Variants in DOCK4 observed in about 807,000 individuals in gnomAD.
DOCK4 encodes the protein dedicator of cytokinesis protein 4.
Under a neutral mutation model 268.1 loss-of-function variants are expected in DOCK4, and 97 were observed. The observed-to-expected ratio is 0.36, with a 90% confidence interval of 0.31 to 0.43. The LOEUF is 0.43. Among genes scored for constraint, DOCK4 ranks in the 20% least tolerant of loss-of-function variants. DOCK4 has a pLI of 1.00. For synonymous variants in DOCK4, 954 were observed against 887.2 expected (o/e 1.08, Z -1.34); for missense variants, 2,145 against 2,455.7 (o/e 0.87, Z 2.67).
intron 1 of DOCK4, among the ~76,000 whole-genome samples, chr7:112,121,465 G>A (rs1183267637): frequency 6.6e-6 from 1 of 152,092 alleles, no homozygotes; most frequent in African/African-American, 2.4e-5. Flanking sequence ...ACAGGGGCAA[G>A]GTTCCTTCTC....
intron 27 of DOCK4, among the ~76,000 whole-genome samples, chr7:111,815,133 T>G (rs1453522283): frequency 6.6e-6 from 1 of 152,224 alleles, no homozygotes; most frequent in African/African-American, 2.4e-5. Context: ...ATTTTTTTCT[T>G]TAGCAAAATT....
chr7:111,935,581 T>C lies in DOCK4; in HGVS notation c.1025A>G (p.Lys342Arg), dbSNP rs1562909537. The change falls in exon 12 of 53, where the codon AAA becomes AGA. Residue 342 changes from lysine to arginine, a missense_variant. Coordinates refer to ENST00000428084, the MANE Select transcript of DOCK4 (RefSeq NM_001363540.2). ...CAAGTTATAACGTGCATTCAGCTTT[T>C]TGATGATGTTCTCATGGATTTGGTA... ...EWYQIHENII[K>R]KLNARYNLTG... 1.2e-6 allele frequency: 2 copies of C among 1,613,950 alleles called. No individual in the cohort carries two copies. Among genetic ancestry groups the C allele is most frequent in the Non-Finnish European group, 8.5e-7 (1 of 1,179,860 alleles).
chr7:111,833,268 A>G (rs1341568750), intron 26 of DOCK4, among the ~76,000 whole-genome samples: 1 of 152,126 alleles, frequency 6.6e-6, no homozygotes, highest in Admixed American at 6.5e-5. Context: ...AAGGCCAGGC[A>G]TGGTGGCTCA....
At chr7:111,863,959 A>G (rs545742180) in intron 22 of DOCK4, among the ~76,000 whole-genome samples, 1 of 152,328 alleles carries the variant, frequency 6.6e-6, no homozygotes, top group African/African-American at 2.4e-5. Context: ...TCTCATTCAC[A>G]TTTAAGAAAC....
intron 1 of DOCK4, among the ~76,000 whole-genome samples, chr7:112,011,255 C>T (rs1349764801): frequency 3.9e-5 from 6 of 152,212 alleles, no homozygotes; most frequent in Admixed American, 3.3e-4. Flanking sequence ...TTCCTCGTCA[C>T]TGCACTGGGG....
chr7:112,132,255 G>C (rs956598040), intron 1 of DOCK4, among the ~76,000 whole-genome samples: 1 of 152,068 alleles, frequency 6.6e-6, no homozygotes, highest in Non-Finnish European at 1.5e-5. Context: ...TGCTGAAGAG[G>C]TTTAAGTCAC....
chr7:111,815,667 C>G (rs1586071095), intron 27 of DOCK4, among the ~76,000 whole-genome samples: 2 of 118,486 alleles, frequency 1.7e-5, no homozygotes, highest in East Asian at 6.0e-4. Flanking sequence ...TCCTTTTTCT[C>G]TCTCTCTGTT....
chr7:111,811,699 A>G (rs574761080), intron 28 of DOCK4, among the ~76,000 whole-genome samples, 175 bp downstream of exon 28: 1 of 152,160 alleles, frequency 6.6e-6, no homozygotes, highest in Admixed American at 6.6e-5. Flanking sequence ...AAGCGCTATG[A>G]TCTCCTTTTA....
chr7:112,079,470 T>C (rs999239822), intron 1 of DOCK4, among the ~76,000 whole-genome samples: 2 of 152,214 alleles, frequency 1.3e-5, no homozygotes, highest in Non-Finnish European at 2.9e-5. Context: ...CCTGCTGTAC[T>C]CTACTTGTAA....
chr7:111,783,005 A>T, intron 34 of DOCK4, 81 bp from the exon 35 acceptor site: 1 of 1,149,410 alleles, frequency 8.7e-7, no homozygotes, highest in Non-Finnish European at 1.2e-6. Flanking sequence ...GGGGAAAAAA[A>T]GAAAGAAAGA....
chr7:112,142,530 C>T (rs932839999), intron 1 of DOCK4, among the ~76,000 whole-genome samples: 1 of 152,126 alleles, frequency 6.6e-6, no homozygotes, highest in Admixed American at 6.6e-5. Flanking sequence ...TAATGAATGG[C>T]CTTGCTGGGC....
intron 1 of DOCK4, among the ~76,000 whole-genome samples, chr7:112,070,983 A>C (rs1194483543): frequency 6.6e-6 from 1 of 152,216 alleles, no homozygotes; most frequent in Non-Finnish European, 1.5e-5. Flanking sequence ...CTACCTAAAA[A>C]GCAAAAAACA....
chr7:112,000,603 A>T, intron 2 of DOCK4, 69 bp from the exon 3 acceptor site: 1 of 1,189,454 alleles, frequency 8.4e-7, no homozygotes, highest in Non-Finnish European at 1.2e-6. Flanking sequence ...TAACAAATCA[A>T]TCTGTTCTTT....
Position 111,740,235 on chromosome 7 carries a change from G to A in DOCK4, c.5041-758C>T, listed in dbSNP as rs1795811825. On this transcript the variant is annotated intron_variant, in intron 47 of 52. Coordinates refer to ENST00000428084, the MANE Select transcript of DOCK4 (RefSeq NM_001363540.2). ...CTGCCTCAGCCTCCCGAGTAGCTGG[G>A]ATTACAGGCATGCGCCACCATGCCC... 1.0e-5 allele frequency: 3 copies of A among 296,220 alleles called. 1 individual carries two copies. Among genetic ancestry groups the A allele is most frequent in the South Asian group, 5.1e-5 (2 of 39,382 alleles). 18.3% of individuals were successfully genotyped at this position (296,220 alleles called of 1,614,324 possible). A position where few individuals can be genotyped will look rare whatever the true frequency, so the allele number is the denominator to read the frequency against.
chr7:111,913,644 C>T (rs1174954048), intron 13 of DOCK4, among the ~76,000 whole-genome samples: 10 of 151,646 alleles, frequency 6.6e-5, no homozygotes, highest in East Asian at 1.9e-4. Context: ...CTTCTGACCT[C>T]GTGATCCGCC....
In DOCK4 at chr7:111,788,628, A is replaced by C. The variant is rs757399202; in HGVS notation, c.3401+34T>G. The C allele has an allele frequency of 1.1e-5, 17 of 1,536,008 alleles. No homozygotes were observed. The South Asian group carries it at 2.0e-4, about 18-fold the overall frequency. ...TCAGTACTGACACCAAATCCCCCAG[A>C]ATGGAATCAACTTGAGATAAACATA... is the stretch of plus-strand genomic sequence containing the variant. On this transcript the variant is annotated intron_variant, in intron 32 of 52. Coordinates refer to ENST00000428084, the MANE Select transcript of DOCK4 (RefSeq NM_001363540.2).
intron 23 of DOCK4, among the ~76,000 whole-genome samples, chr7:111,860,519 G>A (rs6971980): frequency 0.048 from 7,305 of 152,294 alleles, 579 homozygotes; most frequent in African/African-American, 0.17. Flanking sequence ...TCTGTTGATC[G>A]TGAGCCACTG....
chr7:111,939,131 G>A (rs115963646), intron 11 of DOCK4, among the ~76,000 whole-genome samples: 338 of 152,158 alleles, frequency 2.2e-3, no homozygotes, highest in African/African-American at 7.3e-3. Flanking sequence ...AGAGAGGCAC[G>A]GAGCAGATTG....
chr7:111,771,756 A>G (rs1485329245), intron 36 of DOCK4, among the ~76,000 whole-genome samples: 1 of 152,174 alleles, frequency 6.6e-6, no homozygotes, highest in Non-Finnish European at 1.5e-5. Flanking sequence ...TGCTCTTGTC[A>G]TCCGAACAAG....
Sources: allele counts gnomAD v4.1 joint callset (sites outside exome capture counted in the v4.1 genomes callset), GRCh38; gene constraint gnomAD v4.1.1; transcripts MANE v1.5; gene names NCBI Gene and HGNC (gene_info 2026-07-23, HGNC 2026-07-21).